Variants in FCGR2B observed in about 807,000 individuals in gnomAD.
FCGR2B encodes low affinity immunoglobulin gamma Fc region receptor II-b.
Under a neutral mutation model 24.8 loss-of-function variants are expected in FCGR2B, and 18 were observed. The observed-to-expected ratio is 0.73, with a 90% CI of 0.50 to 1.08. The LOEUF is 1.08. FCGR2B is among the 50% of genes least tolerant of loss of function. FCGR2B has a pLI of 0.00. For missense variants in FCGR2B, 215 were observed against 297.6 expected (o/e 0.72, Z 2.04); for synonymous variants, 79 against 109.8 (o/e 0.72, Z 1.75).
intron 2 of FCGR2B, among the ~76,000 whole-genome samples, chr1:161,671,145 G>A (rs554144057): frequency 2.0e-5 from 3 of 152,158 alleles, no homozygotes; most frequent in Non-Finnish European, 4.4e-5. Context: ...TATGTATTTC[G>A]AGGGTGTTTC....
At chr1:161,671,758 T>A in intron 3 of FCGR2B, 109 bp downstream of exon 3, 2 of 1,567,210 alleles carry the variant, frequency 1.3e-6, no homozygotes, top group Admixed American at 3.6e-5. Flanking sequence ...CTGGGAAGTA[T>A]CGCTGTGAGT....
the FCGR2B span, among the ~76,000 whole-genome samples, chr1:161,649,850 G>A: frequency 0.21 from 30,196 of 146,044 alleles, 3,620 homozygotes; most frequent in Non-Finnish European, 0.24. Flanking sequence ...TCTACTGCTA[G>A]TAATTGGCAA....
intron 3 of FCGR2B, chr1:161,672,639 C>T (rs1681769540): frequency 9.5e-6 from 4 of 419,716 alleles, no homozygotes; most frequent in Middle Eastern, 6.6e-4. Flanking sequence ...TTGTGTTCTT[C>T]CTGCAGAGGC....
chr1:161,677,480 A>C lies in FCGR2B; in HGVS notation c.860A>C (p.Glu287Ala), dbSNP rs146056650. 3.3e-5 allele frequency: 54 copies of C among 1,614,030 alleles called. No homozygotes were observed. The African/African-American group carries it at 6.8e-4, about 20-fold the overall frequency. Reference sequence around the variant, plus strand: ...GCTGGTTTCTGCCTTCTCTAGGCTGAGAACACAATCACCTATTCACTTCTC... The same window carrying C: ...GCTGGTTTCTGCCTTCTCTAGGCTGCGAACACAATCACCTATTCACTTCTC... ...NPDEADKVGA[E>A]NTITYSLLMH... The change falls in exon 8 of 8, where the codon GAG becomes GCG. Residue 287 changes from glutamate to alanine, a missense_variant. Around this residue, in one of 5 missense-constraint regions of FCGR2B, gnomAD observed 81 missense variants for 81.6 expected, o/e 0.99. Transcript: ENST00000358671.
Position 161,677,799 on chromosome 1 carries a change from A to C in FCGR2B, c.*246A>C. ...CTTGACATCAAGGCTCTTCCGTTCC[A>C]CATCCACACAGCCAATCCAATTAAT... On this transcript the variant is annotated 3_prime_UTR_variant, in exon 8 of 8. Transcript: ENST00000358671. The C allele has an allele frequency of 2.1e-6, 1 of 486,974 alleles. No homozygotes were observed. The highest frequency in any genetic ancestry group is 3.4e-5 in the East Asian group (1 of 29,290). The allele number at this position is 486,974 out of a possible 1,614,324, so 30.2% of individuals were successfully genotyped here.
At chr1:161,655,056 T>C in the FCGR2B span, among the ~76,000 whole-genome samples, 1 of 142,208 alleles carries the variant, frequency 7.0e-6, no homozygotes, top group South Asian at 2.4e-4. Flanking sequence ...TGAAGTTATC[T>C]GTTTCTCACA....
At position 161,675,421 on chromosome 1, in the gene FCGR2B, G is replaced by C. The variant is rs372003580; in HGVS notation, c.817+108G>C. 5.7e-4 allele frequency: 418 copies of C among 729,878 alleles called. 1 individual carries two copies. Among genetic ancestry groups the C allele is most frequent in the Non-Finnish European group, 8.6e-4 (391 of 456,930 alleles). 45.2% of individuals were successfully genotyped at this position (729,878 alleles called of 1,614,324 possible). On this transcript the variant is annotated intron_variant, in intron 6 of 7. Coordinates refer to ENST00000358671, the MANE Select transcript of FCGR2B (RefSeq NM_001394477.1). ...CAAGTTCAGCTGGGAGCCAGGGAGG[G>C]AGCAGCAGTGGGAGGATGGCTGGGG...
At chr1:161,677,066 C>G in intron 6 of FCGR2B, 1 of 513,702 alleles carries the variant, frequency 1.9e-6, no homozygotes, top group South Asian at 2.7e-5. Flanking sequence ...TAGGAAAGCT[C>G]AGCAATTCCC....
Position 161,677,924 on chromosome 1 carries a change from A to G in FCGR2B, c.*371A>G, listed in dbSNP as rs1305654116. On this transcript the variant is annotated 3_prime_UTR_variant, in exon 8 of 8. Transcript: ENST00000358671. Reference sequence around the variant, plus strand: ...AAATCTATATGATTTCAGAAATGTTAAAATAGACTAACCTCTACCAGCACA... The same window carrying G: ...AAATCTATATGATTTCAGAAATGTTGAAATAGACTAACCTCTACCAGCACA... The G allele has an allele frequency of 7.9e-6, 2 of 252,632 alleles. No homozygotes were observed. The highest frequency in any genetic ancestry group is 1.5e-5 in the Non-Finnish European group (2 of 132,400). 15.6% of individuals were successfully genotyped at this position (252,632 alleles called of 1,614,324 possible).
At chr1:161,673,608 C>A (rs1400868712) in intron 4 of FCGR2B, 1 of 644,128 alleles carries the variant, frequency 1.6e-6, no homozygotes, top group South Asian at 1.5e-5. Context: ...AAGCCTGGCA[C>A]GTCATGGACC....
At chr1:161,671,934 C>G (rs10917662) in intron 3 of FCGR2B, 5,763 of 544,112 alleles carry the variant, frequency 0.011, 77 homozygotes, top group African/African-American at 0.052. Context: ...CAGACCACAA[C>G]TGAATCCTAG....
chr1:161,647,426 G>A, the FCGR2B span, among the ~76,000 whole-genome samples: 1 of 149,052 alleles, frequency 6.7e-6, no homozygotes, highest in Non-Finnish European at 1.5e-5. Context: ...TCAGCCTCCT[G>A]AGTAGCTGGG....
chr1:161,677,809 A>G lies in FCGR2B; in HGVS notation c.*256A>G. 2.1e-6 allele frequency: 1 copy of G among 476,012 alleles called. No individual in the cohort carries two copies. The allele number at this position is 476,012 out of a possible 1,614,324, so 29.5% of individuals were successfully genotyped here. On this transcript the variant is annotated 3_prime_UTR_variant, in exon 8 of 8. Transcript: ENST00000358671. ...AGGCTCTTCCGTTCCACATCCACAC[A>G]GCCAATCCAATTAATCAAACCACTG... is the stretch of plus-strand genomic sequence containing the variant.
chr1:161,671,516 C>A lies in FCGR2B; in HGVS notation c.258C>A (p.His86Gln). The A allele has an allele frequency of 6.2e-7, 1 of 1,614,206 alleles. No individual in the cohort carries two copies. Among genetic ancestry groups the A allele is most frequent in the East Asian group, 2.2e-5 (1 of 44,884 alleles). ...SPESDSIQWF[H>Q]NGNLIPTHTQ... is the part of the protein sequence containing the mutation. ...AGAGCGACTCCATTCAGTGGTTCCA[C>A]AATGGGAATCTCATTCCCACCCACA... Residue 86 changes from histidine (H) to glutamine (Q), a missense_variant, in exon 3 of 8, where the codon CAC (histidine) becomes CAA (glutamine). This residue lies in a region of FCGR2B where 77 missense variants were observed against 68.8 expected (regional missense o/e 1.12). Coordinates refer to ENST00000358671, the MANE Select transcript of FCGR2B (RefSeq NM_001394477.1).
chr1:161,674,398 C>T (rs1014612947), intron 5 of FCGR2B: 3 of 364,888 alleles, frequency 8.2e-6, no homozygotes, highest in African/African-American at 6.4e-5. Context: ...CATGAAAAGC[C>T]TAGGATAGAA....
intron 2 of FCGR2B, 31 bp from the exon 3 acceptor site, chr1:161,671,361 C>T (rs749196317): frequency 6.2e-7 from 1 of 1,614,050 alleles, no homozygotes; most frequent in Non-Finnish European, 8.5e-7. Context: ...GCTTCCTCTT[C>T]TTCATGCTAC....
the FCGR2B span, among the ~76,000 whole-genome samples, chr1:161,656,084 T>C: frequency 7.7e-6 from 1 of 130,440 alleles, no homozygotes; most frequent in Non-Finnish European, 1.7e-5. Flanking sequence ...CTCAAACTCC[T>C]GAGCTGAGGT....
intron 2 of FCGR2B, 132 bp from the exon 3 acceptor site, chr1:161,671,260 G>A (rs1259115547): frequency 2.0e-6 from 3 of 1,476,816 alleles, no homozygotes; most frequent in Non-Finnish European, 2.8e-6. Context: ...TTCAGTTGCA[G>A]AACCATTCTG....
the FCGR2B span, among the ~76,000 whole-genome samples, chr1:161,651,975 T>TAAAATAAAATAAAATA: frequency 1.9e-5 from 2 of 102,678 alleles, no homozygotes; most frequent in African/African-American, 6.3e-5. Context: ...TAAAATAAAA[T>TAAAATAAAATAAAATA]AAAGATCTAT....
Sources: gnomAD v4.1 joint callset for allele counts (sites outside exome capture counted in the v4.1 genomes callset) on GRCh38, gnomAD v4.1.1 for gene constraint, gnomAD v4.1.1 regional missense constraint, MANE v1.5 for transcripts, NCBI Gene and HGNC (gene_info 2026-07-23, HGNC 2026-07-21) for gene names.